Variants in CAMTA1 observed in about 807,000 individuals in gnomAD.
CAMTA1 encodes the protein calmodulin-binding transcription activator 1.
A neutral mutation model predicts 170.9 loss-of-function variants in CAMTA1; 27 were observed. The ratio of observed to expected loss-of-function variants is 0.16; its 90% CI spans 0.12 to 0.22. The LOEUF is 0.22. Ranked by LOEUF, CAMTA1 falls within the 10% of genes least tolerant of loss-of-function variation. The pLI, the probability that CAMTA1 is intolerant of heterozygous loss-of-function variation, is 1.00. For missense variants in CAMTA1, 1,619 were observed against 2,217.2 expected (o/e 0.73, Z 5.42); for synonymous variants, 833 against 891.5 (o/e 0.93, Z 1.17).
intron 4 of CAMTA1, among the ~76,000 whole-genome samples, chr1:7,183,625 T>C (rs1652667462): frequency 6.6e-6 from 1 of 152,188 alleles, no homozygotes; most frequent in Non-Finnish European, 1.5e-5. Flanking sequence ...CATGGCACAG[T>C]GGATACTATG....
rs1255711327 is a variant in CAMTA1 at position 7,103,873 on chromosome 1, A to T, written c.302+12502A>T. 4.7e-5 allele frequency among the ~76,000 whole-genome samples: 7 copies of T among 148,242 alleles called. No homozygotes were observed. The East Asian group carries it at 1.4e-3, about 30-fold the overall frequency. On this transcript the variant is annotated intron_variant, in intron 4 of 22. Transcript: ENST00000303635. ...ACACAACACACATACACACACACAC[A>T]ACTACACACATGTACACACAACACA...
chr1:7,498,561 A>G (rs939985879), intron 6 of CAMTA1, among the ~76,000 whole-genome samples: 3 of 151,778 alleles, frequency 2.0e-5, no homozygotes, highest in Admixed American at 6.6e-5. Flanking sequence ...ATCTACCTGT[A>G]TATGCATGTA....
intron 6 of CAMTA1, among the ~76,000 whole-genome samples, chr1:7,620,515 A>G (rs954228765): frequency 1.2e-4 from 18 of 152,146 alleles, no homozygotes; most frequent in African/African-American, 4.3e-4. Flanking sequence ...CTCTCACAGA[A>G]CTTTCCTTTA....
At chr1:7,358,233 G>A (rs1262185517) in intron 5 of CAMTA1, among the ~76,000 whole-genome samples, 4 of 152,164 alleles carry the variant, frequency 2.6e-5, no homozygotes, top group African/African-American at 9.7e-5. Context: ...GAGCTTTTCG[G>A]TTGCTTTTCT....
In CAMTA1 at chr1:7,592,530, G is replaced by A. The variant is rs72630503; in HGVS notation, c.511-47870G>A. On this transcript the variant is annotated intron_variant, in intron 6 of 22. Transcript: ENST00000303635. This position sits in a 1 kb window ranked among gnomAD's most constrained non-coding sequence, Gnocchi z 4.6. ...TATTGGAATGGGCCAGCACCCTCTGGGGGTCCTCTGATGACCAGGGCAGGG... is the reference window on the plus strand; with the variant it reads ...TATTGGAATGGGCCAGCACCCTCTGAGGGTCCTCTGATGACCAGGGCAGGG... Among the ~76,000 whole-genome samples, 4,574 of 152,228 alleles carry A rather than the reference G, an allele frequency of 0.03. 86 individuals are homozygous for A. The highest frequency in any genetic ancestry group is 0.048 in the Middle Eastern group (14 of 294).
rs2097027001 is a variant in CAMTA1 at position 7,766,631 on chromosome 1, T to A, written c.*140T>A. On this transcript the variant is annotated 3_prime_UTR_variant, in exon 23 of 23. Coordinates refer to ENST00000303635, the MANE Select transcript of CAMTA1 (RefSeq NM_015215.4). ...CGTACACACACATACAAAATCCCTC[T>A]GCAGTTTTGGGGAGATCAGCTGCAG... 2 of 729,152 alleles carry A rather than the reference T, an allele frequency of 2.7e-6. No homozygotes were observed. Among genetic ancestry groups the A allele is most frequent in the East Asian group, 2.8e-5 (1 of 36,350 alleles). 45.2% of individuals were successfully genotyped at this position (729,152 alleles called of 1,614,324 possible). A position where few individuals can be genotyped will look rare whatever the true frequency, so the allele number is the denominator to read the frequency against.
At chr1:7,419,570 A>G (rs2091425423) in intron 5 of CAMTA1, among the ~76,000 whole-genome samples, 1 of 152,132 alleles carries the variant, frequency 6.6e-6, no homozygotes, top group Non-Finnish European at 1.5e-5. Flanking sequence ...TCTAAACACC[A>G]CAAGGCACAT....
chr1:6,802,817 C>T (rs898032873), intron 1 of CAMTA1, among the ~76,000 whole-genome samples: 1 of 152,124 alleles, frequency 6.6e-6, no homozygotes, highest in African/African-American at 2.4e-5. Context: ...TCACTGAAGC[C>T]TCGACAGCCT....
At chr1:7,737,616 G>A (rs759670337) in intron 15 of CAMTA1, 46 bp downstream of exon 15, 13 of 1,527,544 alleles carry the variant, frequency 8.5e-6, no homozygotes, top group South Asian at 3.8e-5. Context: ...CAGAGATCCC[G>A]TTTGCTTTCA....
At chr1:7,040,385 C>T (rs551057453) in intron 3 of CAMTA1, among the ~76,000 whole-genome samples, 6 of 152,242 alleles carry the variant, frequency 3.9e-5, no homozygotes, top group East Asian at 1.9e-4. Flanking sequence ...CTTTACGTGA[C>T]GGACTGTAAT....
At chr1:7,370,650 T>G (rs1204181736) in intron 5 of CAMTA1, among the ~76,000 whole-genome samples, 1 of 152,192 alleles carries the variant, frequency 6.6e-6, no homozygotes, top group Non-Finnish European at 1.5e-5. Flanking sequence ...AAAGTGTGGT[T>G]GGGAGGGGTT....
intron 3 of CAMTA1, among the ~76,000 whole-genome samples, chr1:6,895,713 T>C (rs1675489021): frequency 6.6e-6 from 1 of 152,188 alleles, no homozygotes; most frequent in Non-Finnish European, 1.5e-5. Flanking sequence ...TTTCCTCTCC[T>C]CCCCATCTTT....
At chr1:7,294,473 C>CGG (rs1673631307) in intron 5 of CAMTA1, among the ~76,000 whole-genome samples, 1 of 152,138 alleles carries the variant, frequency 6.6e-6, no homozygotes, top group Non-Finnish European at 1.5e-5. Flanking sequence ...CAGCAGTGTG[C>CGG]GGGGGACAGG....
rs1335430659 is a variant in CAMTA1 at position 7,044,243 on chromosome 1, T to A, written c.235-47061T>A. Among the ~76,000 whole-genome samples, 1 of 152,204 alleles carries A rather than the reference T, an allele frequency of 6.6e-6. No individual in the cohort carries two copies. The highest frequency in any genetic ancestry group is 2.1e-4 in the South Asian group (1 of 4,826). ...ACCCTGTGGCCACAGCTGCTGGGCC[T>A]GTTCACACACGGTTGGGACTGGCCA... On this transcript the variant is annotated intron_variant, in intron 3 of 22. Coordinates refer to ENST00000303635, the MANE Select transcript of CAMTA1 (RefSeq NM_015215.4). The surrounding 1 kb of genome is among the most constrained non-coding windows in gnomAD (Gnocchi z 5.0).
rs2096219069 is a variant in CAMTA1 at position 7,682,605 on chromosome 1, C to T, written c.2914+4872C>T. Among the ~76,000 whole-genome samples, 1 of 152,216 alleles carries T rather than the reference C, an allele frequency of 6.6e-6. No homozygotes were observed. The highest frequency in any genetic ancestry group is 1.5e-5 in the Non-Finnish European group (1 of 68,040). On this transcript the variant is annotated intron_variant, in intron 11 of 22. Coordinates refer to ENST00000303635, the MANE Select transcript of CAMTA1 (RefSeq NM_015215.4). The surrounding 1 kb of genome is among the most constrained non-coding windows in gnomAD (Gnocchi z 5.0). ...GTGGGCTGATTCTAGTACCAGCCTCCACCCACCAGAGCTGGGAGATCACAC... is the reference window on the plus strand; with the variant it reads ...GTGGGCTGATTCTAGTACCAGCCTCTACCCACCAGAGCTGGGAGATCACAC...
chr1:7,706,934 T>G (rs1287150455), intron 11 of CAMTA1, among the ~76,000 whole-genome samples: 1 of 147,076 alleles, frequency 6.8e-6, no homozygotes, highest in East Asian at 2.0e-4. Flanking sequence ...TTGCCCAGGC[T>G]GGAGTGCAGT....
chr1:7,660,531 T>G lies in CAMTA1; in HGVS notation c.665-1195T>G, dbSNP rs558446204. ...CCAGCCTGAGCAACAGAGTGACACC[T>G]GTTTCAAAAAAAATAAATAAGTAAA... On this transcript the variant is annotated intron_variant, in intron 7 of 22. Coordinates refer to ENST00000303635, the MANE Select transcript of CAMTA1 (RefSeq NM_015215.4). Among the ~76,000 whole-genome samples, 9 of 152,240 alleles carry G rather than the reference T, an allele frequency of 5.9e-5. No individual in the cohort carries two copies. The South Asian group carries it at 1.9e-3, about 32-fold the overall frequency.
At chr1:7,053,677 A>G (rs1706828829) in intron 3 of CAMTA1, among the ~76,000 whole-genome samples, 1 of 152,156 alleles carries the variant, frequency 6.6e-6, no homozygotes, top group Admixed American at 6.5e-5. Flanking sequence ...CACTTCTCGA[A>G]GCAGGGCCTT....
At chr1:7,362,647 A>G (rs754484448) in intron 5 of CAMTA1, among the ~76,000 whole-genome samples, 8 of 151,810 alleles carry the variant, frequency 5.3e-5, no homozygotes, top group Non-Finnish European at 1.2e-4. Flanking sequence ...GAACTTGGGT[A>G]GAGGTGGTGA....
Sources: gnomAD v4.1 joint callset for allele counts (sites outside exome capture counted in the v4.1 genomes callset) on GRCh38, gnomAD v4.1.1 for gene constraint, Gnocchi (gnomAD v3.1) non-coding constraint, MANE v1.5 for transcripts, NCBI Gene and HGNC (gene_info 2026-07-23, HGNC 2026-07-21) for gene names.